Variants in CAMTA1 observed in about 807,000 individuals in gnomAD.
The protein encoded by CAMTA1 is calmodulin-binding transcription activator 1.
In CAMTA1, 27 loss-of-function variants were observed where a neutral mutation model predicts 170.9. The observed-to-expected ratio is 0.16, with a 90% CI of 0.12 to 0.22. The LOEUF (loss-of-function observed/expected upper bound fraction) is 0.22. Ranked by LOEUF, CAMTA1 falls within the 10% of genes least tolerant of loss-of-function variation. The pLI is 1.00. For missense variants in CAMTA1, 1,619 were observed against 2,217.2 expected (o/e 0.73, Z 5.42); for synonymous variants, 833 against 891.5 (o/e 0.93, Z 1.17).
At chr1:7,713,320 C>G (rs4908684) in intron 11 of CAMTA1, among the ~76,000 whole-genome samples, 61,274 of 151,918 alleles carry the variant, frequency 0.4, 13,275 homozygotes, top group Middle Eastern at 0.55. Flanking sequence ...AGAGTATGGA[C>G]CAAGACTTTC....
chr1:6,875,205 G>A (rs1669488037), intron 3 of CAMTA1, among the ~76,000 whole-genome samples: 1 of 152,110 alleles, frequency 6.6e-6, no homozygotes, highest in Admixed American at 6.5e-5. Flanking sequence ...CTGCAAACCT[G>A]GCTGAGCCAC....
intron 11 of CAMTA1, among the ~76,000 whole-genome samples, chr1:7,708,209 C>T (rs1260209951): frequency 6.6e-6 from 1 of 151,990 alleles, no homozygotes; most frequent in Non-Finnish European, 1.5e-5. Context: ...TGCATGCCTA[C>T]AGTCCCAGCT....
chr1:7,149,990 A>G (rs959001186), intron 4 of CAMTA1, among the ~76,000 whole-genome samples: 12 of 151,940 alleles, frequency 7.9e-5, no homozygotes, highest in Admixed American at 3.3e-4. Flanking sequence ...CTGGGGAAGG[A>G]CTGCCCAGGA....
intron 5 of CAMTA1, among the ~76,000 whole-genome samples, chr1:7,462,422 C>G (rs1211779662): frequency 6.6e-6 from 1 of 152,136 alleles, no homozygotes; most frequent in Non-Finnish European, 1.5e-5. Flanking sequence ...CATGCCATCA[C>G]GCCGGCTAAT....
At position 7,284,177 on chromosome 1, in the gene CAMTA1, C is replaced by CTTCTTA. The variant is rs1333698169; in HGVS notation, c.438+34553_438+34554insCTTATT. On this transcript the variant is annotated intron_variant, in intron 5 of 22. Coordinates refer to ENST00000303635, the MANE Select transcript of CAMTA1 (RefSeq NM_015215.4). ...TCTTCTTCTTCTTCTTCTTCTTCTT[C>CTTCTTA]TTATTATTATTATTATTATTATTAT... Among the ~76,000 whole-genome samples, 732 of 99,256 alleles carry CTTCTTA rather than the reference C, an allele frequency of 7.4e-3. 9 individuals are homozygous for CTTCTTA. Among genetic ancestry groups the CTTCTTA allele is most frequent in the Middle Eastern group, 0.01 (2 of 196 alleles). The allele number at this position is 99,256 out of a possible 152,430, so 65.1% of individuals were successfully genotyped here. A position where few individuals can be genotyped will look rare whatever the true frequency, so the allele number is the denominator to read the frequency against.
chr1:7,607,601 T>A (rs1260362327), intron 6 of CAMTA1, among the ~76,000 whole-genome samples: 2 of 151,548 alleles, frequency 1.3e-5, no homozygotes, highest in Admixed American at 1.3e-4. Flanking sequence ...TGTGGATAGG[T>A]GGATTCTTTG....
chr1:6,941,971 C>T (rs1686714407), intron 3 of CAMTA1, among the ~76,000 whole-genome samples: 1 of 152,220 alleles, frequency 6.6e-6, no homozygotes, highest in Non-Finnish European at 1.5e-5. Context: ...CAACACTGGC[C>T]TTGCTCGAGT....
chr1:6,824,712 A>T (rs1646912084), intron 2 of CAMTA1, among the ~76,000 whole-genome samples: 1 of 152,216 alleles, frequency 6.6e-6, no homozygotes, highest in African/African-American at 2.4e-5. Context: ...AAGAAACTTA[A>T]CATTTTTTCA....
At chr1:6,899,554 G>GCGCGCACACACACA (rs1306510241) in intron 3 of CAMTA1, among the ~76,000 whole-genome samples, 2 of 141,086 alleles carry the variant, frequency 1.4e-5, no homozygotes, top group Non-Finnish European at 3.1e-5. Flanking sequence ...ACGCGCGCGC[G>GCGCGCACACACACA]CACACACACA....
At chr1:7,392,591 G>A (rs537742645) in intron 5 of CAMTA1, among the ~76,000 whole-genome samples, 116 of 262 alleles carry the variant, frequency 0.44, 1 homozygote, top group East Asian at 0.5. Context: ...TTAATTAGCT[G>A]GAGGTGGGCG....
intron 6 of CAMTA1, among the ~76,000 whole-genome samples, chr1:7,477,583 C>T (rs919815869): frequency 1.3e-5 from 2 of 152,186 alleles, no homozygotes; most frequent in African/African-American, 4.8e-5. Context: ...CCTAAAGCCT[C>T]CAGAAAATAT....
At chr1:7,141,422 A>G (rs1645881862) in intron 4 of CAMTA1, among the ~76,000 whole-genome samples, 1 of 152,220 alleles carries the variant, frequency 6.6e-6, no homozygotes, top group Non-Finnish European at 1.5e-5. Context: ...AATATGGACC[A>G]CTGGTGGACA....
chr1:7,272,712 A>AAAAAAAAAAAAAAAAAAAAAAAAAAAG (rs1670017608), intron 5 of CAMTA1, among the ~76,000 whole-genome samples: 7 of 109,884 alleles, frequency 6.4e-5, no homozygotes, highest in Non-Finnish European at 1.2e-4. Context: ...AAAAAAAAAA[A>AAAAAAAAAAAAAAAAAAAAAAAAAAAG]AAAAGAAAAG....
intron 6 of CAMTA1, among the ~76,000 whole-genome samples, chr1:7,503,658 C>T (rs1157703725): frequency 3.3e-5 from 5 of 152,206 alleles, no homozygotes; most frequent in African/African-American, 1.2e-4. Context: ...AACCCCAAGT[C>T]TAGGGCACCT....
intron 1 of CAMTA1, among the ~76,000 whole-genome samples, chr1:6,810,699 G>A (rs1477731072): frequency 1.3e-5 from 2 of 152,126 alleles, no homozygotes; most frequent in Non-Finnish European, 2.9e-5. Flanking sequence ...CAGCTACTCC[G>A]GAGGCTGAGG....
intron 4 of CAMTA1, among the ~76,000 whole-genome samples, chr1:7,101,276 C>G (rs971489935): frequency 6.6e-6 from 1 of 152,166 alleles, no homozygotes; most frequent in African/African-American, 2.4e-5. Context: ...CAATTCTGAT[C>G]TAATAAATTG....
At chr1:7,710,908 G>C (rs945177007) in intron 11 of CAMTA1, among the ~76,000 whole-genome samples, 2 of 152,086 alleles carry the variant, frequency 1.3e-5, no homozygotes, top group Non-Finnish European at 2.9e-5. Flanking sequence ...GGCCCATCTT[G>C]AGTCACGTGT....
chr1:7,091,684 G>A (rs982937788), intron 4 of CAMTA1, among the ~76,000 whole-genome samples: 3 of 152,158 alleles, frequency 2.0e-5, no homozygotes, highest in African/African-American at 4.8e-5. Flanking sequence ...GAAATTGCTC[G>A]CCTGCCACTA....
intron 3 of CAMTA1, among the ~76,000 whole-genome samples, chr1:6,850,565 C>T (rs962466780): frequency 6.6e-6 from 1 of 151,862 alleles, no homozygotes; most frequent in African/African-American, 2.4e-5. Context: ...GAGAGCAAGT[C>T]GAGATGATGG....
Sources: allele counts gnomAD v4.1 joint callset (sites outside exome capture counted in the v4.1 genomes callset), GRCh38; gene constraint gnomAD v4.1.1; transcripts MANE v1.5; gene names NCBI Gene and HGNC (gene_info 2026-07-23, HGNC 2026-07-21).